Variants in TRIM61 observed in about 807,000 individuals in gnomAD.
TRIM61 encodes the protein putative tripartite motif-containing protein 61.
Under a neutral mutation model 14.2 loss-of-function variants are expected in TRIM61, and 1 was observed. The observed-to-expected ratio is 0.07, with a 90% CI of 0.03 to 0.33. The LOEUF is 0.33. Among genes scored for constraint, TRIM61 ranks in the 10% least tolerant of loss-of-function variants. The pLI, the probability that TRIM61 is intolerant of heterozygous loss-of-function variation, is 0.99. For synonymous variants in TRIM61, 8 were observed against 71.6 expected (o/e 0.11, Z 4.49); for missense variants, 19 against 202.2 (o/e 0.09, Z 5.49).
intron 3 of TRIM61, among the ~76,000 whole-genome samples, chr4:164,955,526 G>A (rs1731964434): frequency 7.4e-6 from 1 of 135,424 alleles, no homozygotes. Context: ...CTACGAACTT[G>A]CCACTGCAGT....
intron 3 of TRIM61, among the ~76,000 whole-genome samples, chr4:164,960,917 C>T (rs1164922953): frequency 6.6e-6 from 1 of 151,982 alleles, no homozygotes; most frequent in South Asian, 2.1e-4. Flanking sequence ...TGCCACTGCA[C>T]TCAAACCTGG....
At chr4:164,957,071 C>A in intron 3 of TRIM61, 2 of 1,535,258 alleles carry the variant, frequency 1.3e-6, no homozygotes, top group South Asian at 1.2e-5. Context: ...TCTCCCCGGA[C>A]CCAGCGCCTG....
chr4:164,966,459 T>G (rs1413202989), intron 3 of TRIM61, among the ~76,000 whole-genome samples: 1 of 152,082 alleles, frequency 6.6e-6, no homozygotes, highest in Non-Finnish European at 1.5e-5. Context: ...GAGGTATTAT[T>G]GGAATGTGAT....
chr4:164,956,708 T>A (rs957456459), intron 3 of TRIM61, among the ~76,000 whole-genome samples: 1 of 152,322 alleles, frequency 6.6e-6, no homozygotes, highest in Non-Finnish European at 1.5e-5. Context: ...CAACTGGAAT[T>A]CTCTTCTGTT....
At position 164,962,689 on chromosome 4, in the gene TRIM61, T is replaced by C. The variant is rs1385679067; in HGVS notation, c.525+6789A>G. ...GCCATCAAGTGGACACTACAAGAAA[T>C]GTTAAAAAAAAAAAAAAAGTACTTT... On this transcript the variant is annotated intron_variant, in intron 3 of 4. Coordinates refer to ENST00000329314, the MANE Select transcript of TRIM61 (RefSeq NM_001012414.3). 2.7e-5 allele frequency among the ~76,000 whole-genome samples: 3 copies of C among 109,422 alleles called. No homozygotes were observed. In the South Asian group the frequency reaches 1.1e-3, roughly 40 times the overall value. 71.8% of individuals were successfully genotyped at this position (109,422 alleles called of 152,430 possible).
chr4:164,956,232 A>C (rs1290740618), intron 3 of TRIM61, among the ~76,000 whole-genome samples: 1 of 152,046 alleles, frequency 6.6e-6, no homozygotes, highest in East Asian at 1.9e-4. Context: ...TGTCCGGCTA[A>C]TTTTTGTATT....
intron 3 of TRIM61, chr4:164,956,996 C>G (rs1219396457): frequency 6.8e-7 from 1 of 1,460,302 alleles, no homozygotes; most frequent in Non-Finnish European, 9.1e-7. Context: ...ACGTTGGAGA[C>G]CGGGGCAGCG....
intron 3 of TRIM61, among the ~76,000 whole-genome samples, chr4:164,965,023 C>G (rs1372726608): frequency 6.6e-6 from 1 of 152,198 alleles, no homozygotes; most frequent in Non-Finnish European, 1.5e-5. Flanking sequence ...CGCAGTGGCT[C>G]ACACCTGGAA....
chr4:164,961,153 C>CAGAAA, intron 3 of TRIM61, among the ~76,000 whole-genome samples: 1 of 31,722 alleles, frequency 3.2e-5, no homozygotes. Flanking sequence ...AACTCTCAGG[C>CAGAAA]AAAAAAAAAA....
chr4:164,956,472 TA>T (rs770400554), intron 3 of TRIM61, among the ~76,000 whole-genome samples: 44 of 152,218 alleles, frequency 2.9e-4, no homozygotes, highest in Admixed American at 2.0e-3. Context: ...TCATTTGAAT[TA>T]ACAATCTTTA....
At chr4:164,956,998 G>A (rs538308363) in intron 3 of TRIM61, 2 of 1,460,320 alleles carry the variant, frequency 1.4e-6, no homozygotes, top group Non-Finnish European at 1.8e-6. Context: ...GTTGGAGACC[G>A]GGGCAGCGCC....
At chr4:164,964,577 GC>G (rs5863731) in intron 3 of TRIM61, among the ~76,000 whole-genome samples, 42,692 of 152,034 alleles carry the variant, frequency 0.28, 6,288 homozygotes, top group Admixed American at 0.38. Context: ...GATTTCAAAT[GC>G]ATGCTCTTTC....
At chr4:164,964,110 G>T (rs1732189937) in intron 3 of TRIM61, among the ~76,000 whole-genome samples, 1 of 151,896 alleles carries the variant, frequency 6.6e-6, no homozygotes, top group Non-Finnish European at 1.5e-5. Context: ...AGCACTTTGG[G>T]AGGCCGAGGC....
chr4:164,976,588 A>G (rs1732489244), intron 2 of TRIM61, 100 bp downstream of exon 2: 1 of 152,230 alleles, frequency 6.6e-6, no homozygotes, highest in South Asian at 2.1e-4. Context: ...GTCTGTAGCT[A>G]AACTGACCTT....
rs1244254658 is a variant in TRIM61, at chr4:164,954,563, TA to T, written c.*221del. ...ATTATAATTCAATATGTTCTTGTAT[TA>T]ATTAGCATATTTATATGTACATATT... On this transcript the variant is annotated 3_prime_UTR_variant, in exon 5 of 5. Transcript: ENST00000329314. The T allele has an allele frequency of 7.7e-4, 118 of 152,330 alleles. No homozygotes were observed. Among genetic ancestry groups the T allele is most frequent in the African/African-American group, 2.8e-3 (117 of 41,576 alleles). 9.4% of individuals were successfully genotyped at this position (152,330 alleles called of 1,614,324 possible). A position where few individuals can be genotyped will look rare whatever the true frequency, so the allele number is the denominator to read the frequency against.
intron 3 of TRIM61, chr4:164,957,812 C>T (rs1387446954): frequency 4.2e-6 from 1 of 239,288 alleles, no homozygotes; most frequent in Non-Finnish European, 8.8e-6. Context: ...AGTGAGATAG[C>T]AGAGTAAACT....
chr4:164,966,422 T>C (rs1732238843), intron 3 of TRIM61, among the ~76,000 whole-genome samples: 1 of 152,210 alleles, frequency 6.6e-6, no homozygotes, highest in Admixed American at 6.5e-5. Flanking sequence ...AAGTGGGACA[T>C]CATAATACTT....
chr4:164,975,263 CAT>C (rs1732457165), intron 2 of TRIM61, among the ~76,000 whole-genome samples: 3 of 150,158 alleles, frequency 2.0e-5, no homozygotes, highest in South Asian at 4.2e-4. Context: ...CCCAATGTCA[CAT>C]AGTTAGTAAA....
At chr4:164,972,038 C>A (rs1157116346) in intron 2 of TRIM61, among the ~76,000 whole-genome samples, 2 of 152,098 alleles carry the variant, frequency 1.3e-5, no homozygotes, top group African/African-American at 4.8e-5. Context: ...ATGCAGTAGC[C>A]CTAGAAAGTC....
Sources: gnomAD v4.1 joint callset for allele counts (sites outside exome capture counted in the v4.1 genomes callset) on GRCh38, gnomAD v4.1.1 for gene constraint, MANE v1.5 for transcripts, NCBI Gene and HGNC (gene_info 2026-07-23, HGNC 2026-07-21) for gene names.